ITPR2: variants seen among roughly 807,000 people sequenced by gnomAD.
The protein encoded by ITPR2 is inositol 1,4,5-trisphosphate receptor type 2.
A neutral mutation model predicts 317.1 loss-of-function variants in ITPR2; 207 were observed. The observed-to-expected ratio is 0.65, with a 90% CI of 0.58 to 0.73. The LOEUF (loss-of-function observed/expected upper bound fraction) is 0.73, where lower values mean the gene tolerates loss of function less well. Among genes scored for constraint, ITPR2 ranks in the 30% least tolerant of loss-of-function variants. The pLI is 0.00. For missense variants in ITPR2, 2,613 were observed against 3,284.0 expected, an observed-to-expected ratio of 0.80 and a Z score of 4.99; for synonymous variants, 1,156 against 1,149.1, an observed-to-expected ratio of 1.01 and a Z score of -0.12.
intron 9 of ITPR2, 43 bp from the exon 10 acceptor site, chr12:26,695,693 A>C: frequency 7.6e-7 from 1 of 1,313,690 alleles, no homozygotes. Flanking sequence ...TGCTATGAAA[A>C]GCACACTAAC....
At chr12:26,511,233 T>C (rs1015035732) in intron 37 of ITPR2, among the ~76,000 whole-genome samples, 3 of 152,326 alleles carry the variant, frequency 2.0e-5, no homozygotes, top group African/African-American at 7.2e-5. Context: ...CCTGTGTGTG[T>C]GTTCCACTGC....
chr12:26,543,667 G>A (rs1006649070), intron 37 of ITPR2, among the ~76,000 whole-genome samples: 1 of 152,060 alleles, frequency 6.6e-6, no homozygotes. Context: ...TACTCGGAAG[G>A]CTGAGGCAGG....
In ITPR2 at chr12:26,578,738, G is replaced by A. The variant is rs1241310038; in HGVS notation, c.4605C>T (p.Ser1535=). The stretch of plus-strand genomic sequence containing the variant: ...CCACTTCAGCCAAAGTTCTGATACA[G>A]GATTCCACTGAGGCTTTCTGCGCTG... ...PNPAQKASVE[S]CIRTLAEVAK... The change falls in exon 34 of 57, where the codon TCC becomes TCT. Residue 1535 remains serine, a synonymous_variant. Transcript: ENST00000381340. 1.2e-6 allele frequency: 2 copies of A among 1,607,092 alleles called. No individual in the cohort carries two copies. The highest frequency in any genetic ancestry group is 1.1e-5 in the South Asian group (1 of 90,244).
intron 37 of ITPR2, among the ~76,000 whole-genome samples, chr12:26,495,861 C>CA (rs1280818644): frequency 3.3e-5 from 5 of 152,040 alleles, no homozygotes; most frequent in African/African-American, 1.2e-4. Flanking sequence ...AGCAGGTACT[C>CA]AAAAAATTAA....
intron 23 of ITPR2, chr12:26,627,376 G>C (rs1946644192): frequency 6.6e-6 from 1 of 152,226 alleles, no homozygotes; most frequent in Non-Finnish European, 1.5e-5. Flanking sequence ...AGACCTCAGA[G>C]AGAATCCTTG....
At chr12:26,488,451 A>G (rs901810294) in intron 39 of ITPR2, among the ~76,000 whole-genome samples, 6 of 152,040 alleles carry the variant, frequency 3.9e-5, no homozygotes, top group African/African-American at 1.4e-4. Flanking sequence ...TAATGACATC[A>G]GGTCTTGAAA....
chr12:26,776,638 G>A (rs1209754623), intron 2 of ITPR2, among the ~76,000 whole-genome samples: 1 of 152,192 alleles, frequency 6.6e-6, no homozygotes, highest in African/African-American at 2.4e-5. Context: ...TGTAAACTCT[G>A]ATGAACCATT....
At chr12:26,544,617 C>T (rs1944346528) in intron 37 of ITPR2, among the ~76,000 whole-genome samples, 1 of 151,316 alleles carries the variant, frequency 6.6e-6, no homozygotes, top group African/African-American at 2.4e-5. Context: ...CACACACACA[C>T]ACACACACAT....
intron 55 of ITPR2, among the ~76,000 whole-genome samples, chr12:26,357,176 G>A (rs1938667786): frequency 1.3e-5 from 2 of 152,100 alleles, no homozygotes; most frequent in Admixed American, 6.5e-5. Context: ...GGGGAAGGGG[G>A]TTGGTTACCA....
chr12:26,484,475 A>C (rs1387172750), intron 41 of ITPR2, among the ~76,000 whole-genome samples: 1 of 152,182 alleles, frequency 6.6e-6, no homozygotes, highest in Non-Finnish European at 1.5e-5. Context: ...ATATATGTAC[A>C]TAAGTACACC....
chr12:26,443,365 G>A (rs1941533030), intron 46 of ITPR2, among the ~76,000 whole-genome samples, 178 bp downstream of exon 46: 1 of 152,028 alleles, frequency 6.6e-6, no homozygotes, highest in Non-Finnish European at 1.5e-5. Flanking sequence ...AACTTTGAAA[G>A]ATGTACACCT....
At chr12:26,617,721 A>C (rs1946402079) in intron 26 of ITPR2, among the ~76,000 whole-genome samples, 2 of 106,010 alleles carry the variant, frequency 1.9e-5, no homozygotes, top group African/African-American at 6.6e-5. Context: ...GGAGGGAAGG[A>C]GGAAGGGAGG....
Position 26,556,221 on chromosome 12 carries a change from G to T in ITPR2, c.4964+12C>A. Reference sequence around the variant, plus strand: ...GACGACACTAGCAGAATCTCAGATTGGATCCACTTACTTCGACATGAAAGC... The same window carrying T: ...GACGACACTAGCAGAATCTCAGATTTGATCCACTTACTTCGACATGAAAGC... On this transcript the variant is annotated intron_variant, in intron 36 of 56. Transcript: ENST00000381340. 6.2e-7 allele frequency: 1 copy of T among 1,611,966 alleles called. No individual in the cohort carries two copies. Among genetic ancestry groups the T allele is most frequent in the Non-Finnish European group, 8.5e-7 (1 of 1,179,128 alleles).
intron 21 of ITPR2, among the ~76,000 whole-genome samples, chr12:26,640,901 A>G (rs1036041214): frequency 9.8e-5 from 15 of 152,330 alleles, no homozygotes; most frequent in African/African-American, 3.4e-4. Context: ...ACAATTGCTT[A>G]GTATTACTGG....
Position 26,420,160 on chromosome 12 carries a change from T to C in ITPR2, c.6946-947A>G, listed in dbSNP as rs1196027861. Among the ~76,000 whole-genome samples the C allele has an allele frequency of 2.6e-5, 4 of 152,136 alleles. No homozygotes were observed. In the East Asian group the frequency reaches 7.7e-4, roughly 29 times the overall value. On this transcript the variant is annotated intron_variant, in intron 49 of 56. Coordinates refer to ENST00000381340, the MANE Select transcript of ITPR2 (RefSeq NM_002223.4). ...TATAAACTTAGCACCATCTATTTAG[T>C]TCTAGAATCACTGCAGTAATTACAA...
At chr12:26,695,193 T>A (rs538583494) in intron 10 of ITPR2, among the ~76,000 whole-genome samples, 1 of 152,228 alleles carries the variant, frequency 6.6e-6, no homozygotes, top group Non-Finnish European at 1.5e-5. Context: ...TAAAACTTTT[T>A]AAAAATCTAG....
In ITPR2 at chr12:26,741,197, T is replaced by C. The variant is rs189101995; in HGVS notation, c.164-15432A>G. ...TTGGGGTGAGCACATCCCACTCTGATGCCAGCTGTCCCTGCGGCAGAGGTG... is the reference window on the plus strand; with the variant it reads ...TTGGGGTGAGCACATCCCACTCTGACGCCAGCTGTCCCTGCGGCAGAGGTG... On this transcript the variant is annotated intron_variant, in intron 2 of 56. Coordinates refer to ENST00000381340, the MANE Select transcript of ITPR2 (RefSeq NM_002223.4). Among the ~76,000 whole-genome samples, 20 of 152,386 alleles carry C rather than the reference T, an allele frequency of 1.3e-4. No individual in the cohort carries two copies. The East Asian group carries it at 2.3e-3, about 18-fold the overall frequency.
At chr12:26,483,614 G>A (rs1942592469) in intron 42 of ITPR2, 84 bp downstream of exon 42, 1 of 978,658 alleles carries the variant, frequency 1.0e-6, no homozygotes, top group South Asian at 1.4e-5. Context: ...AAAGCAAGAA[G>A]AAAGATCTTT....
intron 37 of ITPR2, among the ~76,000 whole-genome samples, chr12:26,539,572 G>A (rs1944200614): frequency 6.6e-6 from 1 of 152,188 alleles, no homozygotes; most frequent in Non-Finnish European, 1.5e-5. Flanking sequence ...CCTCCCCACT[G>A]GCTGGCCTTC....
Sources: allele counts gnomAD v4.1 joint callset (sites outside exome capture counted in the v4.1 genomes callset), GRCh38; gene constraint gnomAD v4.1.1; transcripts MANE v1.5; gene names NCBI Gene and HGNC (gene_info 2026-07-23, HGNC 2026-07-21).